The following KIAA2012 variants were observed in gnomAD, a reference collection of about 807,000 sequenced individuals.
The protein encoded by KIAA2012 is KIAA2012.
A neutral mutation model predicts 150.6 loss-of-function variants in KIAA2012; 125 were observed. The observed-to-expected ratio is 0.83, with a 90% CI of 0.72 to 0.96. The LOEUF (loss-of-function observed/expected upper bound fraction) is 0.96, where lower values mean the gene tolerates loss of function less well. Among genes scored for constraint, KIAA2012 ranks in the 40% least tolerant of loss-of-function variants. The pLI is 0.00. For missense variants in KIAA2012, 1,219 were observed against 1,354.9 expected (o/e 0.90, Z 1.57); for synonymous variants, 462 against 504.7 (o/e 0.92, Z 1.13).
At chr2:202,189,409 A>G (rs939360654) in intron 18 of KIAA2012, among the ~76,000 whole-genome samples, 9 of 151,506 alleles carry the variant, frequency 5.9e-5, no homozygotes, top group Non-Finnish European at 1.3e-4. Flanking sequence ...CTTCTGCCTC[A>G]GCCTCCCGAG....
At chr2:202,123,530 C>T (rs1469622459) in intron 11 of KIAA2012, among the ~76,000 whole-genome samples, 7 of 152,174 alleles carry the variant, frequency 4.6e-5, no homozygotes, top group African/African-American at 1.4e-4. Context: ...CCTCAGCTAT[C>T]GGTGCGCACG....
Position 202,187,001 on chromosome 2 carries a change from G to C in KIAA2012, c.2279G>C (p.Arg760Thr). ...GGATACGGGCCTGAGTCACCCGAGA[G>C]GTTGAGTGCTGTGTATACATCTCTT... is the stretch of plus-strand genomic sequence containing the variant. ...LLGYGPESPE[R>T]LSAVYTSLLP... The change falls in exon 17 of 24, where the codon AGG becomes ACG. Residue 760 changes from arginine to threonine, a missense_variant. By Grantham distance (71) the Arg-to-Thr change is moderately conservative (BLOSUM62 -1). Coordinates refer to ENST00000498697, the MANE Select transcript of KIAA2012 (RefSeq NM_001277372.4). 1 of 1,550,624 alleles carries C rather than the reference G, an allele frequency of 6.4e-7. No individual in the cohort carries two copies. The highest frequency in any genetic ancestry group is 8.7e-7 in the Non-Finnish European group (1 of 1,146,992).
rs34178462 is a variant in KIAA2012 at position 202,097,603 on chromosome 2, T to TC, written c.828+30dup. 8 of 1,473,794 alleles carry TC rather than the reference T, an allele frequency of 5.4e-6. No homozygotes were observed. In the East Asian group the frequency reaches 7.6e-5, roughly 14 times the overall value. The allele number at this position is 1,473,794 out of a possible 1,614,324, so 91.3% of individuals were successfully genotyped here. On this transcript the variant is annotated intron_variant, in intron 5 of 23. Transcript: ENST00000498697. ...GTACCATTTCTTTTTTTTTTTTTTT[T>TC]CCCCGAGACGGAGTCTCACTCTGTC...
At chr2:202,100,223 C>T (rs962517375) in intron 6 of KIAA2012, 84 bp from the exon 7 acceptor site, 17 of 1,397,930 alleles carry the variant, frequency 1.2e-5, no homozygotes, top group Middle Eastern at 3.6e-4. Context: ...TCCCCATTAA[C>T]TACGACGTGA....
intron 15 of KIAA2012, among the ~76,000 whole-genome samples, chr2:202,165,582 G>A (rs531469124): frequency 1.6e-4 from 24 of 152,154 alleles, no homozygotes; most frequent in Non-Finnish European, 3.1e-4. Context: ...TTAGCTGGGC[G>A]CAGTGGTGCA....
intron 2 of KIAA2012, among the ~76,000 whole-genome samples, chr2:202,081,286 G>A (rs60002310): frequency 0.011 from 1,673 of 152,270 alleles, 41 homozygotes; most frequent in African/African-American, 0.038. Flanking sequence ...CATTTTGGCT[G>A]TTGTGAACAA....
At chr2:202,167,619 T>C (rs911968497) in intron 15 of KIAA2012, among the ~76,000 whole-genome samples, 1 of 152,048 alleles carries the variant, frequency 6.6e-6, no homozygotes, top group Non-Finnish European at 1.5e-5. Flanking sequence ...CCAGAAGTTG[T>C]TGGAGACCAA....
chr2:202,179,362 A>C, intron 15 of KIAA2012: 1 of 916,156 alleles, frequency 1.1e-6, no homozygotes, highest in South Asian at 1.3e-5. Context: ...TCCGGATTGA[A>C]TATGCTTTGG....
At chr2:202,196,045 A>C (rs1191581423) in intron 21 of KIAA2012, among the ~76,000 whole-genome samples, 1 of 152,066 alleles carries the variant, frequency 6.6e-6, no homozygotes, top group Non-Finnish European at 1.5e-5. Flanking sequence ...ATATATACCT[A>C]GTAGTGGGAT....
At chr2:202,102,764 T>C (rs904147718) in intron 7 of KIAA2012, among the ~76,000 whole-genome samples, 182 bp from the exon 8 acceptor site, 2 of 152,216 alleles carry the variant, frequency 1.3e-5, no homozygotes, top group African/African-American at 4.8e-5. Flanking sequence ...CAGGGGCATA[T>C]GCTGGATCCC....
At chr2:202,202,655 C>T (rs540997497) in intron 23 of KIAA2012, 68 bp downstream of exon 23, 6 of 396,352 alleles carry the variant, frequency 1.5e-5, no homozygotes, top group South Asian at 2.7e-4. Context: ...GGGCCAGGCA[C>T]GGTGGCTCAT....
intron 22 of KIAA2012, 100 bp downstream of exon 22, chr2:202,197,119 T>C: frequency 6.6e-7 from 1 of 1,509,588 alleles, no homozygotes; most frequent in Non-Finnish European, 8.9e-7. Context: ...ACAAGAAAAG[T>C]CCCCCCACCC....
At chr2:202,131,814 C>T (rs970682094) in intron 12 of KIAA2012, among the ~76,000 whole-genome samples, 2 of 152,102 alleles carry the variant, frequency 1.3e-5, no homozygotes, top group Non-Finnish European at 2.9e-5. Flanking sequence ...AGGGTACATG[C>T]AGGGGAAGGA....
At chr2:202,083,646 C>G (rs892995585) in intron 2 of KIAA2012, among the ~76,000 whole-genome samples, 1 of 152,000 alleles carries the variant, frequency 6.6e-6, no homozygotes, top group Non-Finnish European at 1.5e-5. Flanking sequence ...TCCATTCAAT[C>G]GAGCCAACGT....
At chr2:202,123,064 T>A (rs1026369527) in intron 11 of KIAA2012, among the ~76,000 whole-genome samples, 1 of 152,200 alleles carries the variant, frequency 6.6e-6, no homozygotes, top group Non-Finnish European at 1.5e-5. Flanking sequence ...GGCTGTTTTC[T>A]GGCTCCTGGG....
At chr2:202,109,820 C>G in intron 10 of KIAA2012, 31 bp downstream of exon 10, 2 of 1,495,860 alleles carry the variant, frequency 1.3e-6, no homozygotes, top group African/African-American at 1.4e-5. Flanking sequence ...TAGACGCCCC[C>G]CACTGGCTTG....
At chr2:202,187,494 C>G (rs1037875849) in intron 17 of KIAA2012, among the ~76,000 whole-genome samples, 1 of 152,056 alleles carries the variant, frequency 6.6e-6, no homozygotes, top group African/African-American at 2.4e-5. Context: ...TTCAGTACAG[C>G]CAGGGTTTCA....
chr2:202,112,780 T>C (rs1172410577), intron 10 of KIAA2012, among the ~76,000 whole-genome samples: 1 of 152,184 alleles, frequency 6.6e-6, no homozygotes, highest in African/African-American at 2.4e-5. Flanking sequence ...GTTTTTTACT[T>C]TTACAGTCAG....
intron 15 of KIAA2012, among the ~76,000 whole-genome samples, chr2:202,172,069 C>T (rs1691905521): frequency 6.6e-6 from 1 of 152,156 alleles, no homozygotes; most frequent in Non-Finnish European, 1.5e-5. Flanking sequence ...GGCTTACGCC[C>T]GCGTCGGCCT....
Sources: allele counts gnomAD v4.1 joint callset (sites outside exome capture counted in the v4.1 genomes callset), GRCh38; gene constraint gnomAD v4.1.1; transcripts MANE v1.5; gene names NCBI Gene and HGNC (gene_info 2026-07-23, HGNC 2026-07-21).